The following TMEM131 variants were observed in gnomAD, a reference collection of about 807,000 sequenced individuals.
The protein encoded by TMEM131 is transmembrane protein 131.
A neutral mutation model predicts 211.6 loss-of-function variants in TMEM131; 66 were observed. That is an observed-to-expected ratio of 0.31 (90% CI 0.26 to 0.38). The LOEUF is 0.38. Ranked by LOEUF, TMEM131 falls within the 10% of genes least tolerant of loss-of-function variation. The probability of loss-of-function intolerance (pLI) is 1.00; values close to 1 mark genes in which losing one functional copy is unlikely to be tolerated. For missense variants in TMEM131, 2,036 were observed against 2,299.3 expected, an observed-to-expected ratio of 0.89 and a Z score of 2.34; for synonymous variants, 844 against 841.3, an observed-to-expected ratio of 1.00 and a Z score of -0.06.
intron 33 of TMEM131, among the ~76,000 whole-genome samples, chr2:97,766,917 C>T (rs1354602394): frequency 6.6e-6 from 1 of 152,178 alleles, no homozygotes; most frequent in Non-Finnish European, 1.5e-5. Flanking sequence ...AGAAAGAAAG[C>T]CCTTAGCTCC....
chr2:97,981,680 A>C (rs904966416), intron 1 of TMEM131, among the ~76,000 whole-genome samples: 1 of 151,804 alleles, frequency 6.6e-6, no homozygotes, highest in African/African-American at 2.4e-5. Context: ...CCAAAGAAAA[A>C]CCCTTGTACC....
intron 2 of TMEM131, among the ~76,000 whole-genome samples, chr2:97,926,371 G>A (rs1302604985): frequency 6.6e-6 from 1 of 151,770 alleles, no homozygotes; most frequent in Non-Finnish European, 1.5e-5. Flanking sequence ...TAAACCTATT[G>A]GTAAATTACA....
rs371774704 is a variant in TMEM131 at position 97,793,527 on chromosome 2, G to C, written c.3413C>G (p.Thr1138Arg). 3.1e-6 allele frequency: 5 copies of C among 1,613,342 alleles called. No homozygotes were observed. In the African/African-American group the frequency reaches 6.7e-5, roughly 22 times the overall value. Residue 1138 changes from threonine to arginine, a missense_variant, in exon 30 of 41, where the codon ACA (threonine) becomes AGA (arginine). Coordinates refer to ENST00000186436, the MANE Select transcript of TMEM131 (RefSeq NM_015348.2). ...MSALFLLVIG[T>R]AYLEAQGIWE... ...TATTCCTTGAGCTTCCAAATAGGCTGTTCCAATGACCAAAAGAAACAGTGC... is the reference window on the plus strand; with the variant it reads ...TATTCCTTGAGCTTCCAAATAGGCTCTTCCAATGACCAAAAGAAACAGTGC...
At chr2:97,893,629 T>G (rs2104293569) in intron 3 of TMEM131, among the ~76,000 whole-genome samples, 1 of 152,364 alleles carries the variant, frequency 6.6e-6, no homozygotes, top group South Asian at 2.1e-4. Flanking sequence ...GATTTGCATT[T>G]CTCTAATGAC....
chr2:97,808,415 T>C (rs189784110), intron 19 of TMEM131, among the ~76,000 whole-genome samples: 2 of 152,336 alleles, frequency 1.3e-5, no homozygotes, highest in Admixed American at 6.5e-5. Flanking sequence ...GACTGCACCA[T>C]CTTCTTGCAA....
chr2:97,856,723 G>GTTCCACTTTA (rs1673862450), intron 5 of TMEM131, among the ~76,000 whole-genome samples: 2 of 152,256 alleles, frequency 1.3e-5, no homozygotes, highest in East Asian at 3.9e-4. Context: ...TAAAGCTGAA[G>GTTCCACTTTA]TGGAGAGGAA....
intron 1 of TMEM131, among the ~76,000 whole-genome samples, chr2:97,936,746 T>G (rs917543813): frequency 1.3e-5 from 2 of 152,066 alleles, no homozygotes; most frequent in African/African-American, 4.8e-5. Flanking sequence ...AGTTGTCCAG[T>G]TTTCAACAAA....
In TMEM131 at chr2:97,887,773, A is replaced by G. The variant is rs528632292; in HGVS notation, c.359+279T>C. On this transcript the variant is annotated intron_variant, in intron 4 of 40. Transcript: ENST00000186436. ...ATAAAAATGAAGTGCTAATCAAAAC[A>G]GCTAACTATAAGTTCTTTGCTGTTT... is the stretch of plus-strand genomic sequence containing the variant. 305 of 317,738 alleles carry G rather than the reference A, an allele frequency of 9.6e-4. 2 individuals are homozygous for G. The highest frequency in any genetic ancestry group is 6.1e-3 in the African/African-American group (286 of 47,002). The allele number at this position is 317,738 out of a possible 1,614,324, so 19.7% of individuals were successfully genotyped here.
intron 11 of TMEM131, among the ~76,000 whole-genome samples, chr2:97,828,940 G>C (rs936531871): frequency 6.6e-6 from 1 of 152,096 alleles, no homozygotes; most frequent in African/African-American, 2.4e-5. Context: ...CTACGATCGA[G>C]GCCATCAAGC....
intron 2 of TMEM131, among the ~76,000 whole-genome samples, chr2:97,917,220 G>A (rs969494104): frequency 2.6e-5 from 4 of 152,140 alleles, no homozygotes; most frequent in African/African-American, 7.2e-5. Context: ...TTCACACTAC[G>A]ATGACCAAAG....
chr2:97,797,229 C>G (rs888625743), intron 26 of TMEM131, 136 bp downstream of exon 26: 3 of 911,684 alleles, frequency 3.3e-6, no homozygotes, highest in Non-Finnish European at 5.1e-6. Context: ...TTTCATCAGG[C>G]ATGGAGTGTG....
intron 1 of TMEM131, among the ~76,000 whole-genome samples, chr2:97,938,954 G>GAAAT (rs913659406): frequency 7.9e-5 from 12 of 152,112 alleles, no homozygotes; most frequent in Non-Finnish European, 1.6e-4. Flanking sequence ...AATGAAGGCA[G>GAAAT]AAATAAAGAT....
intron 1 of TMEM131, among the ~76,000 whole-genome samples, chr2:97,968,665 C>T (rs1340998778): frequency 6.6e-6 from 1 of 152,178 alleles, no homozygotes; most frequent in Non-Finnish European, 1.5e-5. Flanking sequence ...CAACATCTCC[C>T]ACTCATCTGT....
In TMEM131 at chr2:97,792,504, G is replaced by A. The variant is rs770975529; in HGVS notation, c.4026C>T (p.Ser1342=). The A allele has an allele frequency of 9.9e-6, 16 of 1,613,442 alleles. No individual in the cohort carries two copies. Among genetic ancestry groups the A allele is most frequent in the East Asian group, 4.5e-5 (2 of 44,876 alleles). The change falls in exon 31 of 41, where the codon TCC becomes TCT. Residue 1342 remains serine, a synonymous_variant. Transcript: ENST00000186436. ...TGAGACTGGTGATGTCCGAGTCCTC[G>A]GAACTGTGCCTCGCGCTGCTGGCAC... ...PERASSARHS[S]EDSDITSLIE... is the part of the protein sequence containing the mutation.
intron 1 of TMEM131, among the ~76,000 whole-genome samples, chr2:97,991,992 A>C (rs1310476171): frequency 6.6e-6 from 1 of 152,230 alleles, no homozygotes; most frequent in African/African-American, 2.4e-5. Flanking sequence ...TTCCAACTAC[A>C]AAACTCCAAT....
In TMEM131 at chr2:97,863,109, C is replaced by CA. The variant is rs200143392; in HGVS notation, c.360-3683dup. On this transcript the variant is annotated intron_variant, in intron 4 of 40. Coordinates refer to ENST00000186436, the MANE Select transcript of TMEM131 (RefSeq NM_015348.2). ...CTTAAAGTGCTGAAGGCAACAACAA[C>CA]AAAAAAAACCCCCACACTTTTACCC... 3.1e-3 allele frequency among the ~76,000 whole-genome samples: 470 copies of CA among 151,670 alleles called. 1 individual carries two copies. The highest frequency in any genetic ancestry group is 0.011 in the African/African-American group (449 of 41,394).
intron 2 of TMEM131, among the ~76,000 whole-genome samples, chr2:97,916,676 A>G (rs114981355): frequency 0.041 from 6,271 of 152,340 alleles, 230 homozygotes; most frequent in African/African-American, 0.096. Context: ...CTTGTAGTAC[A>G]TTTAGGCAGT....
intron 4 of TMEM131, among the ~76,000 whole-genome samples, chr2:97,885,123 G>A (rs1675090992): frequency 6.6e-6 from 1 of 152,156 alleles, no homozygotes; most frequent in South Asian, 2.1e-4. Context: ...TTCATTTCCA[G>A]ATATAAGAGT....
At chr2:97,934,599 C>T (rs531591954) in intron 1 of TMEM131, among the ~76,000 whole-genome samples, 67 of 152,256 alleles carry the variant, frequency 4.4e-4, no homozygotes, top group African/African-American at 1.6e-3. Context: ...AATCACTCCA[C>T]CAGACATTAT....
Sources: gnomAD v4.1 joint callset for allele counts (sites outside exome capture counted in the v4.1 genomes callset) on GRCh38, gnomAD v4.1.1 for gene constraint, MANE v1.5 for transcripts, NCBI Gene and HGNC (gene_info 2026-07-23, HGNC 2026-07-21) for gene names.